Variants in WDR7 observed in about 807,000 individuals in gnomAD.
WDR7 encodes the protein WD repeat-containing protein 7.
Under a neutral mutation model 169.4 loss-of-function variants are expected in WDR7, and 46 were observed. The ratio of observed to expected loss-of-function variants is 0.27; its 90% CI spans 0.21 to 0.35. WDR7 has a LOEUF of 0.35. WDR7 is among the 10% of genes least tolerant of loss of function. The pLI is 1.00. For synonymous variants in WDR7, 612 were observed against 666.8 expected, an observed-to-expected ratio of 0.92 and a Z score of 1.27; for missense variants, 1,534 against 1,859.3, an observed-to-expected ratio of 0.83 and a Z score of 3.22.
intron 19 of WDR7, among the ~76,000 whole-genome samples, chr18:56,806,777 G>T (rs1293199016): frequency 6.6e-6 from 1 of 152,130 alleles, no homozygotes; most frequent in Non-Finnish European, 1.5e-5. Context: ...CTGGTATAGG[G>T]CTTGTTGCAT....
intron 21 of WDR7, among the ~76,000 whole-genome samples, chr18:56,884,854 T>C (rs1158645780): frequency 1.3e-5 from 2 of 152,146 alleles, no homozygotes; most frequent in African/African-American, 4.8e-5. Context: ...ACTGGTGCAA[T>C]AAAACTACAA....
chr18:56,917,132 T>C (rs1599155927), intron 21 of WDR7, among the ~76,000 whole-genome samples: 1 of 151,758 alleles, frequency 6.6e-6, no homozygotes, highest in African/African-American at 2.4e-5. Flanking sequence ...GGGAGACAGA[T>C]GTTGCAGTGA....
At chr18:56,925,987 G>A (rs1221127973) in intron 22 of WDR7, among the ~76,000 whole-genome samples, 5 of 152,180 alleles carry the variant, frequency 3.3e-5, no homozygotes, top group South Asian at 4.1e-4. Flanking sequence ...AGAATAGTGA[G>A]CATATATTAA....
chr18:56,903,612 G>A (rs1177605874), intron 21 of WDR7, among the ~76,000 whole-genome samples: 1 of 151,870 alleles, frequency 6.6e-6, no homozygotes, highest in Non-Finnish European at 1.5e-5. Flanking sequence ...TAGAGACAGG[G>A]TTTCACCATG....
intron 20 of WDR7, 93 bp downstream of exon 20, chr18:56,816,237 C>T (rs762468644): frequency 7.2e-6 from 8 of 1,106,150 alleles, no homozygotes; most frequent in African/African-American, 3.1e-5. Flanking sequence ...AGTATTTCGA[C>T]GGAAAGGATG....
intron 20 of WDR7, among the ~76,000 whole-genome samples, chr18:56,839,487 TATA>T (rs2045447756): frequency 6.6e-6 from 1 of 152,350 alleles, no homozygotes; most frequent in African/African-American, 2.4e-5. Flanking sequence ...ATGACTCGTC[TATA>T]ATGTTATTAA....
At chr18:56,959,993 G>A (rs1051387862) in intron 25 of WDR7, among the ~76,000 whole-genome samples, 1 of 152,130 alleles carries the variant, frequency 6.6e-6, no homozygotes, top group Non-Finnish European at 1.5e-5. Context: ...ACATACCACT[G>A]ATTTCTTTTG....
intron 20 of WDR7, among the ~76,000 whole-genome samples, chr18:56,843,766 T>C (rs2045522343): frequency 1.3e-5 from 2 of 152,310 alleles, no homozygotes; most frequent in East Asian, 1.9e-4. Flanking sequence ...TTTTCTACAG[T>C]GGCTGTACCA....
At chr18:56,754,214 A>G (rs1294724214) in intron 14 of WDR7, among the ~76,000 whole-genome samples, 3 of 149,782 alleles carry the variant, frequency 2.0e-5, no homozygotes, top group Non-Finnish European at 4.4e-5. Context: ...TGGAAGGGTA[A>G]GCAGCAGTAT....
At chr18:56,835,346 G>A (rs1331033706) in intron 20 of WDR7, among the ~76,000 whole-genome samples, 2 of 152,202 alleles carry the variant, frequency 1.3e-5, no homozygotes, top group African/African-American at 4.8e-5. Flanking sequence ...ACTAAGATCA[G>A]AATATGTGCA....
chr18:56,966,462 T>C (rs981405844), intron 26 of WDR7, among the ~76,000 whole-genome samples: 4 of 152,112 alleles, frequency 2.6e-5, no homozygotes, highest in Non-Finnish European at 5.9e-5. Flanking sequence ...TAAATAGATT[T>C]TCTCTTCCTT....
At chr18:56,798,740 T>C (rs891138652) in intron 19 of WDR7, among the ~76,000 whole-genome samples, 4 of 152,206 alleles carry the variant, frequency 2.6e-5, no homozygotes, top group Admixed American at 6.5e-5. Context: ...ATAAAAGTTT[T>C]CTTAATAAAT....
chr18:56,676,864 T>G (rs1196070949), intron 2 of WDR7, among the ~76,000 whole-genome samples: 1 of 152,054 alleles, frequency 6.6e-6, no homozygotes, highest in African/African-American at 2.4e-5. Flanking sequence ...CCCATGTCAC[T>G]GTGTCAGGCT....
At chr18:56,715,168 G>A (rs2026164817) in intron 12 of WDR7, among the ~76,000 whole-genome samples, 1 of 151,950 alleles carries the variant, frequency 6.6e-6, no homozygotes, top group Admixed American at 6.5e-5. Context: ...TTTTTTCTTT[G>A]CTTAATGGCT....
At chr18:56,702,500 A>C (rs1202764434) in intron 12 of WDR7, among the ~76,000 whole-genome samples, 1 of 152,210 alleles carries the variant, frequency 6.6e-6, no homozygotes, top group Non-Finnish European at 1.5e-5. Context: ...AAATAACACT[A>C]ATCACCCAGT....
chr18:56,694,589 C>G, intron 9 of WDR7, 30 bp from the exon 10 acceptor site: 1 of 1,592,624 alleles, frequency 6.3e-7, no homozygotes, highest in Non-Finnish European at 8.6e-7. Flanking sequence ...AAAAATACAG[C>G]TAAAGATATT....
At chr18:56,985,301 T>C (rs533003666) in intron 26 of WDR7, among the ~76,000 whole-genome samples, 3 of 152,228 alleles carry the variant, frequency 2.0e-5, no homozygotes, top group Non-Finnish European at 4.4e-5. Flanking sequence ...ATAAATATTA[T>C]ACTTTTAAAA....
chr18:56,693,044 A>G (rs938774008), intron 9 of WDR7, among the ~76,000 whole-genome samples: 1 of 152,170 alleles, frequency 6.6e-6, no homozygotes, highest in African/African-American at 2.4e-5. Flanking sequence ...CAGCCTGGGC[A>G]ACATGGCGAG....
intron 16 of WDR7, among the ~76,000 whole-genome samples, chr18:56,772,297 C>T (rs2145027809): frequency 6.6e-6 from 1 of 152,188 alleles, no homozygotes; most frequent in South Asian, 2.1e-4. Context: ...GGCCCAGGAA[C>T]TGGGAAACCC....
Sources: allele counts gnomAD v4.1 joint callset (sites outside exome capture counted in the v4.1 genomes callset), GRCh38; gene constraint gnomAD v4.1.1; transcripts MANE v1.5; gene names NCBI Gene and HGNC (gene_info 2026-07-23, HGNC 2026-07-21).